CXCL13: variants seen among roughly 807,000 people sequenced by gnomAD.
CXCL13 encodes C-X-C motif chemokine ligand 13.
In CXCL13, 7 loss-of-function variants were observed where a neutral mutation model predicts 12.2. That is an observed-to-expected ratio of 0.57 (90% confidence interval 0.33 to 1.07). The LOEUF (loss-of-function observed/expected upper bound fraction) is 1.07, where lower values mean the gene tolerates loss of function less well. Ranked by LOEUF, CXCL13 falls within the 50% of genes least tolerant of loss-of-function variation. The pLI is 0.04. For missense variants in CXCL13, 113 were observed against 127.4 expected, an observed-to-expected ratio of 0.89 and a Z score of 0.55; for synonymous variants, 47 against 42.4, an observed-to-expected ratio of 1.11 and a Z score of -0.42.
intron 1 of CXCL13, among the ~76,000 whole-genome samples, chr4:77,542,677 C>T (rs762003072): frequency 6.6e-6 from 1 of 152,118 alleles, no homozygotes; most frequent in Admixed American, 6.6e-5. Context: ...TATTGATTTG[C>T]ATGTGTGGCA....
At chr4:77,564,106 G>A (rs1228381548) in intron 1 of CXCL13, among the ~76,000 whole-genome samples, 2 of 152,050 alleles carry the variant, frequency 1.3e-5, no homozygotes, top group Non-Finnish European at 2.9e-5. Flanking sequence ...TATGAACCCG[G>A]TCCCATTTGT....
At chr4:77,591,985 GT>G (rs1349322079) in intron 1 of CXCL13, among the ~76,000 whole-genome samples, 1 of 152,212 alleles carries the variant, frequency 6.6e-6, no homozygotes, top group Non-Finnish European at 1.5e-5. Context: ...GTTCTAGGTT[GT>G]CAGTGACAAA....
chr4:77,529,900 T>C (rs1724863175), intron 1 of CXCL13, among the ~76,000 whole-genome samples: 1 of 152,200 alleles, frequency 6.6e-6, no homozygotes, highest in Non-Finnish European at 1.5e-5. Flanking sequence ...CAGTATGATA[T>C]TGGTTGTGAG....
At chr4:77,570,019 T>G (rs144016799) in intron 1 of CXCL13, among the ~76,000 whole-genome samples, 1 of 152,078 alleles carries the variant, frequency 6.6e-6, no homozygotes, top group Non-Finnish European at 1.5e-5. Flanking sequence ...AAACAAGCAA[T>G]GGAAAAAGGA....
chr4:77,599,239 A>T (rs1020685714), intron 1 of CXCL13, among the ~76,000 whole-genome samples: 2 of 152,108 alleles, frequency 1.3e-5, no homozygotes, highest in Admixed American at 6.6e-5. Flanking sequence ...TGGTTGCAAG[A>T]CTCCCGTGTA....
chr4:77,551,461 G>T (rs555525745), intron 1 of CXCL13, among the ~76,000 whole-genome samples: 1 of 152,132 alleles, frequency 6.6e-6, no homozygotes, highest in Non-Finnish European at 1.5e-5. Flanking sequence ...AATCTCTCCT[G>T]GCTTGTAAGG....
chr4:77,515,027 C>T (rs947490885), intron 1 of CXCL13, among the ~76,000 whole-genome samples: 153 of 152,214 alleles, frequency 1.0e-3, no homozygotes, highest in Non-Finnish European at 1.3e-3. Flanking sequence ...CTACATATGG[C>T]TAGCCAGTTT....
chr4:77,602,232 TGAGA>T (rs1396819108), upstream of CXCL13, among the ~76,000 whole-genome samples: 2 of 152,172 alleles, frequency 1.3e-5, no homozygotes, highest in South Asian at 2.1e-4. Flanking sequence ...TTTGATATCT[TGAGA>T]GAGAGTTTCC....
chr4:77,561,581 G>A (rs574912353), intron 1 of CXCL13, among the ~76,000 whole-genome samples: 8 of 152,264 alleles, frequency 5.3e-5, no homozygotes, highest in South Asian at 2.1e-4. Context: ...CATCTGCTTC[G>A]AAGACTATCT....
At chr4:77,549,515 G>A (rs985094703) in intron 1 of CXCL13, among the ~76,000 whole-genome samples, 2 of 152,188 alleles carry the variant, frequency 1.3e-5, no homozygotes, top group Non-Finnish European at 2.9e-5. Context: ...TACAGATGGG[G>A]TTTTGGTGTG....
At chr4:77,596,594 G>C (rs1726764841) in intron 1 of CXCL13, among the ~76,000 whole-genome samples, 1 of 151,966 alleles carries the variant, frequency 6.6e-6, no homozygotes, top group African/African-American at 2.4e-5. Flanking sequence ...AGACCAGCCT[G>C]GCCAACATGG....
chr4:77,532,405 C>A (rs546618219), intron 1 of CXCL13, among the ~76,000 whole-genome samples: 1 of 152,128 alleles, frequency 6.6e-6, no homozygotes, highest in Non-Finnish European at 1.5e-5. Flanking sequence ...GAATTTCTGC[C>A]GAGAAATCAG....
chr4:77,521,641 T>G (rs1724602760), intron 1 of CXCL13, among the ~76,000 whole-genome samples: 1 of 152,138 alleles, frequency 6.6e-6, no homozygotes, highest in South Asian at 2.1e-4. Context: ...GGTTTCTCAA[T>G]TTTGTTGATC....
intron 1 of CXCL13, among the ~76,000 whole-genome samples, chr4:77,553,496 C>A (rs994162268): frequency 3.9e-5 from 6 of 152,338 alleles, no homozygotes; most frequent in African/African-American, 1.4e-4. Flanking sequence ...CCCAGTATAG[C>A]TCCAGGGCCT....
At chr4:77,558,702 T>C (rs943365107) in intron 1 of CXCL13, among the ~76,000 whole-genome samples, 17 of 152,138 alleles carry the variant, frequency 1.1e-4, no homozygotes, top group Admixed American at 3.9e-4. Flanking sequence ...ATTCAAGATA[T>C]GGGGGGCATC....
At chr4:77,555,797 G>A (rs1288234932) in intron 1 of CXCL13, among the ~76,000 whole-genome samples, 1 of 152,108 alleles carries the variant, frequency 6.6e-6, no homozygotes, top group Non-Finnish European at 1.5e-5. Context: ...AGACAACACA[G>A]TTTTAAAATT....
Position 77,563,650 on chromosome 4 carries a change from G to A in CXCL13, c.-42-42174G>A, listed in dbSNP as rs767155466. Among the ~76,000 whole-genome samples the A allele has an allele frequency of 1.6e-4, 24 of 152,312 alleles. No homozygotes were observed. The Middle Eastern group carries it at 0.01, about 65-fold the overall frequency. ...AGTATAACACTCTCAAGAATAGTGG[G>A]ATCTTCTTATGAGACTGCTGACAGA... On this transcript the variant is annotated intron_variant, in intron 1 of 4. Coordinates refer to the CXCL13 transcript ENST00000286758.
intron 1 of CXCL13, among the ~76,000 whole-genome samples, chr4:77,584,396 A>C (rs1726404818): frequency 6.6e-6 from 1 of 152,138 alleles, no homozygotes; most frequent in Admixed American, 6.5e-5. Context: ...GAGAACAGGG[A>C]AGAAGATCAT....
In CXCL13 at chr4:77,611,420, G is replaced by A. The variant is rs1727151270; in HGVS notation, c.*381G>A. On this transcript the variant is annotated 3_prime_UTR_variant, in exon 4 of 4. Coordinates refer to ENST00000682537, the MANE Select transcript of CXCL13 (RefSeq NM_001371558.1). ...GGCTTGAATTAAGAAGAAAATTATG[G>A]CATATATTAAAAGCAGGCTTCTATG... 2.7e-6 allele frequency: 1 copy of A among 374,784 alleles called. No individual in the cohort carries two copies. Among genetic ancestry groups the A allele is most frequent in the Non-Finnish European group, 4.7e-6 (1 of 212,378 alleles). The allele number at this position is 374,784 out of a possible 1,614,324, so 23.2% of individuals were successfully genotyped here.
Sources: allele counts gnomAD v4.1 joint callset (sites outside exome capture counted in the v4.1 genomes callset), GRCh38; gene constraint gnomAD v4.1.1; transcripts MANE v1.5; gene names NCBI Gene and HGNC (gene_info 2026-07-23, HGNC 2026-07-21).